Variants in LAMA2 observed in about 807,000 individuals in gnomAD.
LAMA2 encodes laminin subunit alpha 2, also known as laminin subunit alpha-2.
In LAMA2, 269 loss-of-function variants were observed where a neutral mutation model predicts 364.8. The ratio of observed to expected loss-of-function variants is 0.74; its 90% confidence interval spans 0.67 to 0.82. The LOEUF is 0.82. Among genes scored for constraint, LAMA2 ranks in the 40% least tolerant of loss-of-function variants. The probability of loss-of-function intolerance (pLI) is 0.00; values close to 1 mark genes in which losing one functional copy is unlikely to be tolerated. For synonymous variants in LAMA2, 1,379 were observed against 1,370.6 expected, an observed-to-expected ratio of 1.01 and a Z score of -0.14; for missense variants, 3,807 against 3,873.2, an observed-to-expected ratio of 0.98 and a Z score of 0.45.
chr6:129,266,239 A>T (rs1787502571), intron 15 of LAMA2, among the ~76,000 whole-genome samples: 1 of 152,126 alleles, frequency 6.6e-6, no homozygotes, highest in African/African-American at 2.4e-5. Context: ...CCTCATGCTT[A>T]TTTTGCATCT....
chr6:128,960,475 C>T (rs549108626), intron 1 of LAMA2, among the ~76,000 whole-genome samples: 13 of 150,300 alleles, frequency 8.6e-5, no homozygotes, highest in Non-Finnish European at 8.9e-5. Context: ...CCGCCCCCGC[C>T]GACCCCCATG....
At chr6:128,990,980 G>A (rs150046202) in intron 1 of LAMA2, among the ~76,000 whole-genome samples, 181 of 152,130 alleles carry the variant, frequency 1.2e-3, no homozygotes, top group African/African-American at 3.8e-3. Flanking sequence ...TATAACGGGG[G>A]AAATTCCACT....
chr6:129,190,977 T>C (rs1781489259), intron 11 of LAMA2, among the ~76,000 whole-genome samples: 9 of 152,206 alleles, frequency 5.9e-5, no homozygotes, highest in Admixed American at 5.9e-4. Flanking sequence ...AAGAGCATGT[T>C]GTCTCCCTAT....
intron 62 of LAMA2, 42 bp from the exon 63 acceptor site, chr6:129,512,321 C>T (rs774216666): frequency 1.3e-6 from 2 of 1,596,240 alleles, no homozygotes; most frequent in Admixed American, 1.7e-5. Context: ...TTAACAATCC[C>T]CATCCTCTAA....
At chr6:129,344,867 G>A (rs11154473) in intron 30 of LAMA2, among the ~76,000 whole-genome samples, 36,857 of 152,084 alleles carry the variant, frequency 0.24, 4,768 homozygotes, top group South Asian at 0.29. Flanking sequence ...TGGGCTTGCC[G>A]CCTGAAGCAC....
At chr6:128,984,562 C>A (rs1183329093) in intron 1 of LAMA2, among the ~76,000 whole-genome samples, 2 of 152,194 alleles carry the variant, frequency 1.3e-5, no homozygotes, top group African/African-American at 4.8e-5. Flanking sequence ...TCGTGTCTTA[C>A]CAATTTTGCA....
At chr6:129,154,717 T>G (rs927253876) in intron 8 of LAMA2, 34 bp downstream of exon 8, 5 of 1,577,422 alleles carry the variant, frequency 3.2e-6, no homozygotes, top group Non-Finnish European at 4.4e-6. Flanking sequence ...AAAGAGTTAT[T>G]TTTTTGCTTT....
chr6:129,176,249 A>C (rs1245456159), intron 9 of LAMA2, among the ~76,000 whole-genome samples: 1 of 151,962 alleles, frequency 6.6e-6, no homozygotes, highest in African/African-American at 2.4e-5. Flanking sequence ...TTTGCATAAA[A>C]TTCTCTCATC....
chr6:128,904,477 T>G (rs1777292682), intron 1 of LAMA2, among the ~76,000 whole-genome samples: 1 of 142,860 alleles, frequency 7.0e-6, no homozygotes, highest in Non-Finnish European at 1.5e-5. Flanking sequence ...TTTTTTAAGA[T>G]GGAGTCTCAC....
Position 129,063,764 on chromosome 6 carries a change from G to A in LAMA2, c.396+3868G>A, listed in dbSNP as rs370189605. 4.6e-5 allele frequency among the ~76,000 whole-genome samples: 7 copies of A among 152,256 alleles called. No homozygotes were observed. The South Asian group carries it at 1.4e-3, about 32-fold the overall frequency. On this transcript the variant is annotated intron_variant, in intron 3 of 64. Transcript: ENST00000421865. Reference sequence around the variant, plus strand: ...AAATATTTTATTCACTGATCTTGCAGAGAAAAATTTGTTTGGACAAGTTAA... The same window carrying A: ...AAATATTTTATTCACTGATCTTGCAAAGAAAAATTTGTTTGGACAAGTTAA...
chr6:129,091,195 T>C (rs1044326546), intron 3 of LAMA2, among the ~76,000 whole-genome samples: 1 of 152,354 alleles, frequency 6.6e-6, no homozygotes, highest in East Asian at 1.9e-4. Context: ...TGAGATTTGC[T>C]TTTTTGCAGA....
chr6:129,052,668 ACTTTTGGTGGTGTAC>A (rs1788163551), intron 2 of LAMA2, among the ~76,000 whole-genome samples: 1 of 152,148 alleles, frequency 6.6e-6, no homozygotes, highest in Non-Finnish European at 1.5e-5. Flanking sequence ...ATTAGGGTTT[ACTTTTGGTGGTGTAC>A]CTTTTATGGG....
intron 58 of LAMA2, among the ~76,000 whole-genome samples, chr6:129,500,832 A>C (rs905342225): frequency 6.6e-6 from 1 of 152,182 alleles, no homozygotes; most frequent in African/African-American, 2.4e-5. Context: ...CACCTTGAAA[A>C]TTTTTTAAAT....
chr6:129,252,598 A>G (rs1562381277), intron 14 of LAMA2, among the ~76,000 whole-genome samples: 1 of 152,224 alleles, frequency 6.6e-6, no homozygotes, highest in African/African-American at 2.4e-5. Flanking sequence ...CTCCTTTATG[A>G]TGGCTCATAG....
chr6:128,928,507 C>G (rs1055106485), intron 1 of LAMA2, among the ~76,000 whole-genome samples: 2 of 152,154 alleles, frequency 1.3e-5, no homozygotes. Flanking sequence ...CGACTCAGCT[C>G]TATGTTGCTT....
intron 7 of LAMA2, among the ~76,000 whole-genome samples, chr6:129,149,612 A>C (rs997719858): frequency 1.3e-5 from 2 of 152,170 alleles, no homozygotes; most frequent in African/African-American, 4.8e-5. Context: ...TGTGTCAGAC[A>C]TGACAGGTCT....
chr6:129,503,333 C>T, intron 60 of LAMA2, 53 bp downstream of exon 60: 1 of 1,511,978 alleles, frequency 6.6e-7, no homozygotes, highest in South Asian at 1.1e-5. Flanking sequence ...TGAGTGGCAG[C>T]CATCAGCATT....
At chr6:129,391,791 T>C in intron 36 of LAMA2, 138 bp downstream of exon 36, 1 of 688,180 alleles carries the variant, frequency 1.5e-6, no homozygotes, top group Non-Finnish European at 2.5e-6. Flanking sequence ...ATGTTATCTA[T>C]CATCTATCTA....
At chr6:129,477,398 T>C (rs1040100360) in intron 53 of LAMA2, among the ~76,000 whole-genome samples, 3 of 152,174 alleles carry the variant, frequency 2.0e-5, no homozygotes, top group Admixed American at 6.6e-5. Flanking sequence ...TGATAGCCTT[T>C]GTTTGTTGAG....
Sources: allele counts gnomAD v4.1 joint callset (sites outside exome capture counted in the v4.1 genomes callset), GRCh38; gene constraint gnomAD v4.1.1; transcripts MANE v1.5; gene names NCBI Gene and HGNC (gene_info 2026-07-23, HGNC 2026-07-21).